FTO: variants seen among roughly 807,000 people sequenced by gnomAD.
The protein encoded by FTO is alpha-ketoglutarate-dependent dioxygenase FTO.
A neutral mutation model predicts 63.9 loss-of-function variants in FTO; 47 were observed. That is an observed-to-expected ratio of 0.74 (90% CI 0.58 to 0.94). FTO has a LOEUF of 0.94. Among genes scored for constraint, FTO ranks in the 40% least tolerant of loss-of-function variants. The probability of loss-of-function intolerance (pLI) is 0.00; values close to 1 mark genes in which losing one functional copy is unlikely to be tolerated. For missense variants in FTO, 562 were observed against 618.1 expected, an observed-to-expected ratio of 0.91 and a Z score of 0.96; for synonymous variants, 207 against 224.4, an observed-to-expected ratio of 0.92 and a Z score of 0.69.
chr16:54,065,952 ACTAACTTACTAG>A (rs2085718781), intron 8 of FTO, among the ~76,000 whole-genome samples: 1 of 152,232 alleles, frequency 6.6e-6, no homozygotes, highest in Non-Finnish European at 1.5e-5. Flanking sequence ...CTGGTAACTA[ACTAACTTACTAG>A]CTAACTTACT....
intron 1 of FTO, among the ~76,000 whole-genome samples, chr16:53,785,581 T>C (rs1157352588): frequency 2.0e-5 from 3 of 151,920 alleles, no homozygotes; most frequent in Non-Finnish European, 2.9e-5. Context: ...GATTTGAGAA[T>C]GGTGGAGAGA....
intron 8 of FTO, among the ~76,000 whole-genome samples, chr16:54,078,195 A>C (rs916757399): frequency 1.3e-5 from 2 of 151,446 alleles, no homozygotes; most frequent in South Asian, 2.1e-4. Context: ...GTTTACATAT[A>C]CAAATACACA....
At chr16:54,020,482 C>T (rs1382316635) in intron 8 of FTO, among the ~76,000 whole-genome samples, 1 of 152,160 alleles carries the variant, frequency 6.6e-6, no homozygotes, top group Non-Finnish European at 1.5e-5. Context: ...AACATAAGTA[C>T]ATGCTCTATG....
At chr16:53,860,400 A>G (rs558875989) in intron 4 of FTO, among the ~76,000 whole-genome samples, 24 of 152,370 alleles carry the variant, frequency 1.6e-4, no homozygotes, top group Non-Finnish European at 3.2e-4. Flanking sequence ...TGTACAGCAT[A>G]GTAACTGTAT....
intron 8 of FTO, among the ~76,000 whole-genome samples, chr16:54,059,619 T>A (rs1269980704): frequency 6.6e-6 from 1 of 152,184 alleles, no homozygotes; most frequent in Non-Finnish European, 1.5e-5. Context: ...GTGGGGCCCA[T>A]CACCAGCAAT....
chr16:53,764,718 C>CT (rs200054342), intron 1 of FTO, among the ~76,000 whole-genome samples: 13,276 of 151,224 alleles, frequency 0.088, 715 homozygotes, highest in Middle Eastern at 0.23. Context: ...TTGGTCTGTT[C>CT]TTTTTTTTTA....
chr16:53,760,033 A>T (rs1263034619), intron 1 of FTO, among the ~76,000 whole-genome samples: 1 of 152,040 alleles, frequency 6.6e-6, no homozygotes, highest in African/African-American at 2.4e-5. Context: ...TCTGCTCTTG[A>T]CTTCCAACTA....
chr16:54,068,012 T>A (rs1329869699), intron 8 of FTO, among the ~76,000 whole-genome samples: 9 of 152,112 alleles, frequency 5.9e-5, no homozygotes, highest in Admixed American at 5.9e-4. Context: ...TAACTGGGGC[T>A]TGCTGCTTTC....
At chr16:53,736,211 C>T (rs1265634162) in intron 1 of FTO, among the ~76,000 whole-genome samples, 1 of 152,190 alleles carries the variant, frequency 6.6e-6, no homozygotes, top group African/African-American at 2.4e-5. Context: ...GTACTGAGAA[C>T]CCTGTATCGT....
At chr16:54,010,172 G>C (rs1945035099) in intron 8 of FTO, among the ~76,000 whole-genome samples, 1 of 152,092 alleles carries the variant, frequency 6.6e-6, no homozygotes, top group South Asian at 2.1e-4. Flanking sequence ...CCAGCACTTT[G>C]GGAGGCCAAG....
At chr16:53,953,034 G>A (rs185876126) in intron 8 of FTO, among the ~76,000 whole-genome samples, 3 of 152,280 alleles carry the variant, frequency 2.0e-5, no homozygotes, top group Admixed American at 6.5e-5. Context: ...TCCAATGAAC[G>A]TTTCCAAGTC....
At chr16:53,726,547 T>C (rs1452804638) in intron 1 of FTO, among the ~76,000 whole-genome samples, 2 of 152,218 alleles carry the variant, frequency 1.3e-5, no homozygotes, top group Non-Finnish European at 2.9e-5. Flanking sequence ...CTTAACGGTA[T>C]ACTTTGCATG....
chr16:53,732,045 T>G (rs1297554172), intron 1 of FTO, among the ~76,000 whole-genome samples: 1 of 41,638 alleles, frequency 2.4e-5, no homozygotes, highest in Non-Finnish European at 8.1e-5. Flanking sequence ...GGCCTTATTT[T>G]TTTTTTTTTT....
At chr16:53,749,420 A>G (rs1431902551) in intron 1 of FTO, among the ~76,000 whole-genome samples, 1 of 151,966 alleles carries the variant, frequency 6.6e-6, no homozygotes, top group East Asian at 1.9e-4. Flanking sequence ...TCTTGGAGGA[A>G]AAGATTTTAA....
chr16:53,950,741 T>A (rs1452617337), intron 8 of FTO, among the ~76,000 whole-genome samples: 1 of 152,212 alleles, frequency 6.6e-6, no homozygotes, highest in Non-Finnish European at 1.5e-5. Flanking sequence ...AATATAATAA[T>A]GTTTTACTGT....
chr16:53,884,961 G>T (rs900188017), intron 6 of FTO, among the ~76,000 whole-genome samples: 1 of 152,122 alleles, frequency 6.6e-6, no homozygotes, highest in African/African-American at 2.4e-5. Flanking sequence ...TCCTCCTGAC[G>T]GCTTGCCTCT....
At chr16:53,950,711 T>C (rs35090620) in intron 8 of FTO, among the ~76,000 whole-genome samples, 74,316 of 152,040 alleles carry the variant, frequency 0.49, 19,891 homozygotes, top group Middle Eastern at 0.61. Context: ...AATAGAACAG[T>C]CTTCTTACTA....
chr16:53,708,740 T>C (rs544513753), intron 1 of FTO, among the ~76,000 whole-genome samples: 4 of 152,352 alleles, frequency 2.6e-5, no homozygotes, highest in East Asian at 1.9e-4. Flanking sequence ...TAGTATCTCA[T>C]TGTGGTTTGA....
At chr16:53,976,509 C>T (rs763683247) in intron 8 of FTO, among the ~76,000 whole-genome samples, 6 of 151,870 alleles carry the variant, frequency 4.0e-5, no homozygotes, top group Non-Finnish European at 7.4e-5. Context: ...TATTATAGGG[C>T]CTTCCCTCCT....
Sources: allele counts gnomAD v4.1 joint callset (sites outside exome capture counted in the v4.1 genomes callset), GRCh38; gene constraint gnomAD v4.1.1; transcripts MANE v1.5; gene names NCBI Gene and HGNC (gene_info 2026-07-23, HGNC 2026-07-21).